CSMD1: variants seen among roughly 807,000 people sequenced by gnomAD.
CSMD1 encodes CUB and Sushi multiple domains 1.
In CSMD1, 213 loss-of-function variants were observed where a neutral mutation model predicts 417.5. The ratio of observed to expected loss-of-function variants is 0.51; its 90% CI spans 0.46 to 0.57. The LOEUF is 0.57. Ranked by LOEUF, CSMD1 falls within the 20% of genes least tolerant of loss-of-function variation. The pLI is 0.00. For missense variants in CSMD1, 6,923 were observed against 4,529.7 expected, an observed-to-expected ratio of 1.53 and a Z score of -15.17; for synonymous variants, 2,862 against 1,736.8, an observed-to-expected ratio of 1.65 and a Z score of -16.11.
rs763832031 is a variant in CSMD1 at position 3,107,724 on chromosome 8, C to T, written c.6829G>A (p.Glu2277Lys). ...AEMLTEDDDF[E>K]IGDFVKYQCH... is the part of the protein sequence containing the mutation. ...GTAATGAAGAAAGTATTACCTATTTCGAAATCATCATCCTCAGTAAGCATT... is the reference window on the plus strand; with the variant it reads ...GTAATGAAGAAAGTATTACCTATTTTGAAATCATCATCCTCAGTAAGCATT... Residue 2277 changes from glutamate (E) to lysine (K), a missense_variant, in exon 45 of 70, where the codon GAA becomes AAA. Coordinates refer to ENST00000635120, the MANE Select transcript of CSMD1 (RefSeq NM_033225.6). 8.2e-6 allele frequency: 13 copies of T among 1,580,524 alleles called. No homozygotes were observed. The highest frequency in any genetic ancestry group is 2.3e-5 in the South Asian group (2 of 87,440).
intron 20 of CSMD1, among the ~76,000 whole-genome samples, chr8:3,362,673 G>C (rs1320331044): frequency 6.6e-6 from 1 of 152,112 alleles, no homozygotes; most frequent in Non-Finnish European, 1.5e-5. Flanking sequence ...ATATCCCCAG[G>C]AGAAAAAGGT....
intron 3 of CSMD1, among the ~76,000 whole-genome samples, chr8:4,348,793 C>A (rs1177574173): frequency 1.3e-5 from 2 of 152,122 alleles, no homozygotes; most frequent in African/African-American, 2.4e-5. Context: ...CTTTCAATCC[C>A]TTAACCCATT....
intron 36 of CSMD1, among the ~76,000 whole-genome samples, chr8:3,185,207 C>A (rs576436538): frequency 6.6e-6 from 1 of 152,326 alleles, no homozygotes; most frequent in Admixed American, 6.5e-5. Flanking sequence ...GAACTCCGTG[C>A]TAACTCCAGG....
chr8:3,735,838 C>T (rs1445567174), intron 6 of CSMD1, among the ~76,000 whole-genome samples: 2 of 152,138 alleles, frequency 1.3e-5, no homozygotes, highest in Non-Finnish European at 2.9e-5. Context: ...TGAAAATATG[C>T]ATTGATTTCC....
At position 3,753,951 on chromosome 8, in the gene CSMD1, C is replaced by T; in HGVS notation, c.910G>A (p.Gly304Arg). 2 of 1,611,812 alleles carry T rather than the reference C, an allele frequency of 1.2e-6. No individual in the cohort carries two copies. The highest frequency in any genetic ancestry group is 1.7e-6 in the Non-Finnish European group (2 of 1,178,538). ...TTACCTTGGAACTGAGCGTTAAATC[C>T]TTTGCGTCGGTGGTTGCTGTCAGAG... ...FTSDSNHRRKGFNAQFQVKKA... is the reference protein window; with the variant it reads ...FTSDSNHRRKRFNAQFQVKKA... Residue 304 changes from glycine (G) to arginine (R), a missense_variant, in exon 6 of 70, where the codon GGA becomes AGA. Coordinates refer to ENST00000635120, the MANE Select transcript of CSMD1 (RefSeq NM_033225.6).
In CSMD1 at chr8:3,932,037, C is replaced by T. The variant is rs1159927146; in HGVS notation, c.818+65866G>A. Among the ~76,000 whole-genome samples, 6 of 150,280 alleles carry T rather than the reference C, an allele frequency of 4.0e-5. No individual in the cohort carries two copies. The East Asian group carries it at 1.2e-3, about 29-fold the overall frequency. The stretch of plus-strand genomic sequence containing the variant: ...AAACAATAATTTTGTGACTTCAGTT[C>T]TAATTTCATCAGAGAGTAGGATTCA... On this transcript the variant is annotated intron_variant, in intron 5 of 69. Transcript: ENST00000635120.
At chr8:3,738,464 T>G (rs543656548) in intron 6 of CSMD1, among the ~76,000 whole-genome samples, 1 of 152,236 alleles carries the variant, frequency 6.6e-6, no homozygotes, top group Non-Finnish European at 1.5e-5. Flanking sequence ...GAAGCTCATA[T>G]GTGCAGTGAA....
At chr8:3,356,360 C>A (rs1015870547) in intron 21 of CSMD1, among the ~76,000 whole-genome samples, 5 of 152,154 alleles carry the variant, frequency 3.3e-5, no homozygotes, top group African/African-American at 1.2e-4. Flanking sequence ...AGCCAGCAGT[C>A]TGAGGAGGGA....
At chr8:4,650,562 C>T (rs1392304246) in intron 1 of CSMD1, among the ~76,000 whole-genome samples, 1 of 151,630 alleles carries the variant, frequency 6.6e-6, no homozygotes, top group Non-Finnish European at 1.5e-5. Flanking sequence ...AGAAACAACG[C>T]ATGACATTGA....
intron 10 of CSMD1, among the ~76,000 whole-genome samples, chr8:3,537,095 C>T (rs148036012): frequency 0.011 from 1,670 of 152,242 alleles, 29 homozygotes; most frequent in East Asian, 0.051. Flanking sequence ...CCTCCGCCTC[C>T]TGGGTTCCAG....
At chr8:3,882,921 C>G (rs1282367089) in intron 5 of CSMD1, among the ~76,000 whole-genome samples, 1 of 152,156 alleles carries the variant, frequency 6.6e-6, no homozygotes, top group African/African-American at 2.4e-5. Flanking sequence ...GAGTAATGTT[C>G]TGCATCTTGG....
intron 68 of CSMD1, among the ~76,000 whole-genome samples, 162 bp from the exon 69 acceptor site, chr8:2,942,766 A>C (rs553301331): frequency 2.1e-4 from 32 of 152,354 alleles, no homozygotes; most frequent in African/African-American, 7.2e-4. Context: ...TTTAATATCC[A>C]CTTAATGACC....
chr8:4,341,041 T>C (rs899447981), intron 3 of CSMD1, among the ~76,000 whole-genome samples: 8 of 152,082 alleles, frequency 5.3e-5, no homozygotes, highest in Non-Finnish European at 7.4e-5. Flanking sequence ...CTTTAGAATC[T>C]ATACTCTAAA....
chr8:4,031,897 C>T lies in CSMD1; in HGVS notation c.610+8G>A, dbSNP rs1299169967. ...AGTCTGCTCACCAGCCCCCTTGTAG[C>T]ACTGTACCTCTGCAAAAGGGAGCTG... On this transcript the variant is annotated splice_region_variant and intron_variant, in intron 4 of 69. Coordinates refer to ENST00000635120, the MANE Select transcript of CSMD1 (RefSeq NM_033225.6). The T allele has an allele frequency of 6.2e-7, 1 of 1,610,210 alleles. No individual in the cohort carries two copies. The highest frequency in any genetic ancestry group is 1.3e-5 in the African/African-American group (1 of 74,836).
chr8:3,255,686 C>T (rs1026325741), intron 26 of CSMD1, among the ~76,000 whole-genome samples: 1 of 152,192 alleles, frequency 6.6e-6, no homozygotes, highest in South Asian at 2.1e-4. Flanking sequence ...GATATAATCT[C>T]CTGGTGTGCC....
intron 25 of CSMD1, among the ~76,000 whole-genome samples, chr8:3,296,748 G>C (rs984360645): frequency 6.6e-6 from 1 of 152,250 alleles, no homozygotes; most frequent in Middle Eastern, 3.4e-3. Flanking sequence ...GGCCCTGTAG[G>C]TTTGTCCCTC....
chr8:2,982,342 C>T (rs866158953), intron 54 of CSMD1, among the ~76,000 whole-genome samples: 2 of 151,972 alleles, frequency 1.3e-5, no homozygotes, highest in African/African-American at 2.4e-5. Context: ...GGTGACAGAG[C>T]GAGACTCTGT....
chr8:4,183,548 C>G (rs1297366325), intron 3 of CSMD1, among the ~76,000 whole-genome samples: 1 of 152,128 alleles, frequency 6.6e-6, no homozygotes, highest in Non-Finnish European at 1.5e-5. Flanking sequence ...TATGATAAGT[C>G]AGAGACAGAC....
intron 3 of CSMD1, among the ~76,000 whole-genome samples, chr8:4,165,991 C>T (rs781364513): frequency 1.3e-5 from 2 of 152,140 alleles, no homozygotes; most frequent in African/African-American, 2.4e-5. Context: ...ACAAAGTTTG[C>T]AATTATGGGA....
Sources: allele counts gnomAD v4.1 joint callset (sites outside exome capture counted in the v4.1 genomes callset), GRCh38; gene constraint gnomAD v4.1.1; transcripts MANE v1.5; gene names NCBI Gene and HGNC (gene_info 2026-07-23, HGNC 2026-07-21).